Variants in GABRA4 observed in about 807,000 individuals in gnomAD.
GABRA4 encodes the protein gamma-aminobutyric acid receptor subunit alpha-4.
Under a neutral mutation model 49.7 loss-of-function variants are expected in GABRA4, and 12 were observed. The observed-to-expected ratio is 0.24, with a 90% confidence interval of 0.15 to 0.39. The LOEUF (loss-of-function observed/expected upper bound fraction) is 0.39. Ranked by LOEUF, GABRA4 falls within the 10% of genes least tolerant of loss-of-function variation. GABRA4 has a pLI of 1.00. For missense variants in GABRA4, 506 were observed against 686.0 expected, an observed-to-expected ratio of 0.74 and a Z score of 2.93; for synonymous variants, 288 against 240.2, an observed-to-expected ratio of 1.20 and a Z score of -1.84.
chr4:46,978,367 C>T (rs975838508), intron 3 of GABRA4, among the ~76,000 whole-genome samples: 1 of 151,904 alleles, frequency 6.6e-6, no homozygotes, highest in African/African-American at 2.4e-5. Flanking sequence ...ATTATCACCT[C>T]TAATTTTCTC....
intron 5 of GABRA4, among the ~76,000 whole-genome samples, chr4:46,975,937 G>T (rs899135302): frequency 7.9e-5 from 12 of 151,892 alleles, no homozygotes; most frequent in Non-Finnish European, 1.5e-4. Flanking sequence ...ATTACTAGGG[G>T]TTATAAAAAG....
At chr4:46,973,678 T>C (rs1342891826) in intron 6 of GABRA4, among the ~76,000 whole-genome samples, 1 of 151,856 alleles carries the variant, frequency 6.6e-6, no homozygotes, top group African/African-American at 2.4e-5. Flanking sequence ...CTAAATTCTA[T>C]AATTCTTCCT....
Position 46,965,062 on chromosome 4 carries a change from T to G in GABRA4, c.1042A>C (p.Met348Leu). ...AAVNYFTNIQMEKAKRKTSKP... is the reference protein window; with the variant it reads ...AAVNYFTNIQLEKAKRKTSKP... ...GATGTCTTCCTTTTGGCTTTTTCCA[T>G]TTGAATATTGGTGAAATAGTTGACA... Residue 348 changes from methionine to leucine, a missense_variant, in exon 8 of 9, where the codon ATG becomes CTG. Met to Leu is a conservative substitution (Grantham distance 15). Around this residue, in one of 5 missense-constraint regions of GABRA4, gnomAD observed 243 missense variants for 210.8 expected, o/e 1.15. Coordinates refer to ENST00000264318, the MANE Select transcript of GABRA4 (RefSeq NM_000809.4). The G allele has an allele frequency of 1.9e-6, 3 of 1,612,024 alleles. No individual in the cohort carries two copies. Among genetic ancestry groups the G allele is most frequent in the Non-Finnish European group, 2.5e-6 (3 of 1,178,774 alleles).
chr4:46,993,242 T>C, intron 1 of GABRA4, 97 bp downstream of exon 1: 1 of 1,031,550 alleles, frequency 9.7e-7, no homozygotes, highest in Non-Finnish European at 1.5e-6. Context: ...TAAGAAGACC[T>C]AGTCCACCCA....
intron 5 of GABRA4, 121 bp downstream of exon 5, chr4:46,976,940 C>G: frequency 3.6e-6 from 2 of 560,806 alleles, no homozygotes; most frequent in South Asian, 4.8e-5. Context: ...GAAATAAAAC[C>G]GGACAGTTTT....
intron 8 of GABRA4, among the ~76,000 whole-genome samples, chr4:46,961,087 G>T (rs1722557192): frequency 6.6e-6 from 1 of 151,780 alleles, no homozygotes; most frequent in Non-Finnish European, 1.5e-5. Flanking sequence ...CTAATAAATA[G>T]TATGTAAAAT....
At chr4:46,963,017 C>A (rs1038261388) in intron 8 of GABRA4, among the ~76,000 whole-genome samples, 1 of 151,766 alleles carries the variant, frequency 6.6e-6, no homozygotes, top group Non-Finnish European at 1.5e-5. Context: ...TGAGGGAAAT[C>A]TCTTGGACAT....
intron 8 of GABRA4, among the ~76,000 whole-genome samples, chr4:46,932,700 G>C (rs1721481096): frequency 6.6e-6 from 1 of 152,072 alleles, no homozygotes; most frequent in African/African-American, 2.4e-5. Flanking sequence ...ATCATGAAAG[G>C]TTATGGTTTT....
In GABRA4 at chr4:46,971,267, C is replaced by T. The variant is rs551597522; in HGVS notation, c.722-32G>A. 9.4e-6 allele frequency: 15 copies of T among 1,602,800 alleles called. No individual in the cohort carries two copies. The East Asian group carries it at 1.1e-4, about 12-fold the overall frequency. ...AGAAAACAGGAGGAAAATGTGTTAT[C>T]GGTTCTGCAGGCAATTAGTCAATGG... On this transcript the variant is annotated intron_variant, in intron 6 of 8. Coordinates refer to ENST00000264318, the MANE Select transcript of GABRA4 (RefSeq NM_000809.4).
intron 8 of GABRA4, among the ~76,000 whole-genome samples, chr4:46,957,472 GA>G (rs1310272327): frequency 6.6e-6 from 1 of 151,888 alleles, no homozygotes; most frequent in Non-Finnish European, 1.5e-5. Flanking sequence ...GAAATAAAGA[GA>G]AATAGCAATT....
At chr4:46,977,327 A>AG in intron 4 of GABRA4, 83 bp downstream of exon 4, 13 of 733,516 alleles carry the variant, frequency 1.8e-5, no homozygotes, top group South Asian at 2.2e-5. Context: ...GAAGGGAGGG[A>AG]GGAAGGAAGG....
chr4:46,977,128 C>A lies in GABRA4; in HGVS notation c.510G>T (p.Ala170=), dbSNP rs556582200. 1 of 1,605,318 alleles carries A rather than the reference C, an allele frequency of 6.2e-7. No individual in the cohort carries two copies. The highest frequency in any genetic ancestry group is 2.2e-5 in the East Asian group (1 of 44,604). The part of the protein sequence containing the change: ...ILYTMRLTIS[A]ECPMRLVDFP... ...AATCCACCAATCTCATGGGACACTC[C>A]GCACTTATGGTGAGTCTATGATGAA... The change falls in exon 5 of 9, where the codon GCG becomes GCT. Residue 170 remains alanine (A), a synonymous_variant. Coordinates refer to ENST00000264318, the MANE Select transcript of GABRA4 (RefSeq NM_000809.4).
chr4:46,939,649 A>G (rs960344401), intron 8 of GABRA4, among the ~76,000 whole-genome samples: 1 of 151,988 alleles, frequency 6.6e-6, no homozygotes, highest in African/African-American at 2.4e-5. Flanking sequence ...TTAAAAACAG[A>G]AAAAAGTTTA....
intron 8 of GABRA4, among the ~76,000 whole-genome samples, chr4:46,948,687 T>C (rs1399099266): frequency 2.0e-5 from 3 of 152,112 alleles, no homozygotes; most frequent in East Asian, 3.9e-4. Context: ...GGATTCATAC[T>C]GTCTCTCCCC....
intron 8 of GABRA4, among the ~76,000 whole-genome samples, chr4:46,952,880 C>T (rs1299311676): frequency 1.3e-5 from 2 of 151,464 alleles, no homozygotes; most frequent in African/African-American, 4.8e-5. Flanking sequence ...AGAAAAAAAC[C>T]TTTTAATAAC....
intron 5 of GABRA4, among the ~76,000 whole-genome samples, chr4:46,976,499 TAAC>T (rs2109392445): frequency 6.6e-6 from 1 of 151,724 alleles, no homozygotes; most frequent in East Asian, 2.0e-4. Flanking sequence ...GGCATTATAT[TAAC>T]TCAGACCACA....
chr4:46,981,739 GA>G (rs1392819519), intron 2 of GABRA4, among the ~76,000 whole-genome samples: 3 of 152,090 alleles, frequency 2.0e-5, no homozygotes, highest in African/African-American at 7.2e-5. Flanking sequence ...TCATTTCTAA[GA>G]GGAAAAATAC....
intron 8 of GABRA4, among the ~76,000 whole-genome samples, chr4:46,959,200 G>A (rs1283830933): frequency 6.6e-6 from 1 of 151,704 alleles, no homozygotes; most frequent in Non-Finnish European, 1.5e-5. Context: ...ACTTGATACT[G>A]AAGGCATTTG....
Position 46,928,048 on chromosome 4 carries a change from TAGTTCACTTTTTCACTC to T in GABRA4, c.*160_*176del. On this transcript the variant is annotated 3_prime_UTR_variant, in exon 9 of 9. Transcript: ENST00000264318. ...AAAATAATTTTTCTGAAAAAAAACA[TAGTTCACTTTTTCACTC>T]AGGAATTAATTAACTCTCCCAATAA... The T allele has an allele frequency of 3.6e-6, 2 of 550,656 alleles. No homozygotes were observed. Among genetic ancestry groups the T allele is most frequent in the Non-Finnish European group, 6.1e-6 (2 of 328,168 alleles). 34.1% of individuals were successfully genotyped at this position (550,656 alleles called of 1,614,324 possible).
Sources: allele counts gnomAD v4.1 joint callset (sites outside exome capture counted in the v4.1 genomes callset), GRCh38; gene constraint gnomAD v4.1.1; regional missense constraint gnomAD v4.1.1; transcripts MANE v1.5; gene names NCBI Gene and HGNC (gene_info 2026-07-23, HGNC 2026-07-21).